Variants in APLP2 observed in about 807,000 individuals in gnomAD.
APLP2 encodes the protein amyloid beta precursor like protein 2, also known as CDEI box-binding protein.
APLP2 carries 53 observed loss-of-function variants against 89.9 expected under a neutral mutation model. That is an observed-to-expected ratio of 0.59 (90% confidence interval 0.47 to 0.74). APLP2 has a LOEUF of 0.74. Among genes scored for constraint, APLP2 ranks in the 30% least tolerant of loss-of-function variants. The pLI is 0.00. For synonymous variants in APLP2, 372 were observed against 348.6 expected (o/e 1.07, Z -0.75); for missense variants, 973 against 975.9 (o/e 1.00, Z 0.04).
chr11:130,119,076 A>C (rs1164091383), intron 3 of APLP2, among the ~76,000 whole-genome samples: 1 of 152,182 alleles, frequency 6.6e-6, no homozygotes, highest in East Asian at 1.9e-4. Context: ...GGATCCTGAG[A>C]GACTCATCCA....
rs553382542 is a variant in APLP2 at position 130,123,190 on chromosome 11, A to G, written c.923-422A>G. Among the ~76,000 whole-genome samples the G allele has an allele frequency of 2.6e-5, 4 of 152,308 alleles. No homozygotes were observed. The South Asian group carries it at 8.3e-4, about 32-fold the overall frequency. On this transcript the variant is annotated intron_variant, in intron 6 of 16. Coordinates refer to ENST00000338167, the MANE Select transcript of APLP2 (RefSeq NM_001142276.2). This position sits in a 1 kb window ranked among gnomAD's most constrained non-coding sequence, Gnocchi z 4.0. ...GCCTTAGAGAACATAAAAGTGGGAA[A>G]CAATTGTCCGTTCTAGGTGCTTGTC...
intron 1 of APLP2, chr11:130,070,743 T>A (rs1940858338): frequency 6.9e-7 from 1 of 1,448,422 alleles, no homozygotes; most frequent in Non-Finnish European, 9.1e-7. Context: ...GGAAACCCGC[T>A]CTGGGTGCGT....
intron 1 of APLP2, among the ~76,000 whole-genome samples, chr11:130,096,508 T>G (rs1946229429): frequency 6.6e-6 from 1 of 152,140 alleles, no homozygotes; most frequent in Non-Finnish European, 1.5e-5. Flanking sequence ...GCATGAGACT[T>G]GGAGTTTGAG....
At chr11:130,073,501 G>C (rs1591750023) in intron 1 of APLP2, among the ~76,000 whole-genome samples, 1 of 152,160 alleles carries the variant, frequency 6.6e-6, no homozygotes, top group African/African-American at 2.4e-5. Flanking sequence ...GAACAATTTT[G>C]AATGTGTTGA....
At chr11:130,081,732 A>G (rs1943183462) in intron 1 of APLP2, among the ~76,000 whole-genome samples, 1 of 152,256 alleles carries the variant, frequency 6.6e-6, no homozygotes, top group South Asian at 2.1e-4. Context: ...TCATGTTTAC[A>G]GAAATATACC....
At chr11:130,070,396 C>T (rs1472127159) in intron 1 of APLP2, among the ~76,000 whole-genome samples, 2 of 151,314 alleles carry the variant, frequency 1.3e-5, no homozygotes, top group African/African-American at 4.8e-5. Flanking sequence ...GACCCAGTGC[C>T]CCCGGGCGCC....
Position 130,141,485 on chromosome 11 carries a change from A to G in APLP2, c.1924-13A>G, listed in dbSNP as rs1952383100. On this transcript the variant is annotated splice_polypyrimidine_tract_variant and intron_variant, in intron 14 of 16. Transcript: ENST00000338167. The surrounding 1 kb of genome is among the most constrained non-coding windows in gnomAD (Gnocchi z 4.2). The stretch of plus-strand genomic sequence containing the variant: ...CCAGTTGCTTGCTGCCGACATTCTC[A>G]TGACTGTTTCAGGTCATTGACGAGA... 1.2e-6 allele frequency: 2 copies of G among 1,612,368 alleles called. No homozygotes were observed. Among genetic ancestry groups the G allele is most frequent in the Non-Finnish European group, 1.7e-6 (2 of 1,178,608 alleles).
intron 1 of APLP2, among the ~76,000 whole-genome samples, chr11:130,096,452 TCATGCCTGTAATCC>T (rs1374843544): frequency 3.3e-5 from 5 of 152,188 alleles, no homozygotes; most frequent in Non-Finnish European, 7.3e-5. Flanking sequence ...GCCCTGTGGC[TCATGCCTGTAATCC>T]CAACACCTTG....
At position 130,109,419 on chromosome 11, in the gene APLP2, C is replaced by A; in HGVS notation, c.106-10C>A. Reference sequence around the variant, plus strand: ...TTGGAGTAAACCTGCAATTTTTTTCCCTTTGGTAGGCTCTTGCAGCCAATG... The same window carrying A: ...TTGGAGTAAACCTGCAATTTTTTTCACTTTGGTAGGCTCTTGCAGCCAATG... On this transcript the variant is annotated splice_polypyrimidine_tract_variant and intron_variant, in intron 1 of 16. Transcript: ENST00000338167. 3 of 1,601,786 alleles carry A rather than the reference C, an allele frequency of 1.9e-6. No individual in the cohort carries two copies. Among genetic ancestry groups the A allele is most frequent in the Non-Finnish European group, 2.6e-6 (3 of 1,174,998 alleles).
intron 2 of APLP2, 30 bp from the exon 3 acceptor site, chr11:130,110,508 T>C (rs1565577953): frequency 6.2e-7 from 1 of 1,610,098 alleles, no homozygotes; most frequent in Middle Eastern, 1.7e-4. Flanking sequence ...GCAGATTGAT[T>C]TATTGTGTGT....
At chr11:130,079,705 T>C (rs1250738809) in intron 1 of APLP2, among the ~76,000 whole-genome samples, 1 of 152,212 alleles carries the variant, frequency 6.6e-6, no homozygotes, top group Non-Finnish European at 1.5e-5. Context: ...GTTCTATTTC[T>C]TTCCATTCAA....
chr11:130,092,499 C>T (rs1408363995), intron 1 of APLP2, among the ~76,000 whole-genome samples: 1 of 140,832 alleles, frequency 7.1e-6, no homozygotes, highest in Non-Finnish European at 1.5e-5. Context: ...GTTGGCGGAT[C>T]ACTCGCGGTT....
chr11:130,091,898 G>A (rs1476572717), intron 1 of APLP2, among the ~76,000 whole-genome samples: 19 of 129,550 alleles, frequency 1.5e-4, no homozygotes, highest in African/African-American at 5.2e-4. Flanking sequence ...GGTGGCTGCC[G>A]GGCGGAGAGG....
At chr11:130,089,173 C>T (rs1944533727) in intron 1 of APLP2, among the ~76,000 whole-genome samples, 1 of 152,214 alleles carries the variant, frequency 6.6e-6, no homozygotes, top group Admixed American at 6.5e-5. Context: ...CCAAGTATTT[C>T]TCATCTGTCA....
At chr11:130,115,333 T>C (rs1311439577) in intron 3 of APLP2, among the ~76,000 whole-genome samples, 1 of 152,204 alleles carries the variant, frequency 6.6e-6, no homozygotes. Flanking sequence ...GATTTACTTA[T>C]ATGCATGGGT....
In APLP2 at chr11:130,123,109, T is replaced by C. The variant is rs145121250; in HGVS notation, c.923-503T>C. Among the ~76,000 whole-genome samples the C allele has an allele frequency of 6.6e-6, 1 of 152,300 alleles. No homozygotes were observed. Among genetic ancestry groups the C allele is most frequent in the African/African-American group, 2.4e-5 (1 of 41,566 alleles). On this transcript the variant is annotated intron_variant, in intron 6 of 16. Transcript: ENST00000338167. This position sits in a 1 kb window ranked among gnomAD's most constrained non-coding sequence, Gnocchi z 4.0. ...TTGAAACCAATTAAGATGCGAAGAA[T>C]TATTTAGGACCCAAGTTGGGGGAAA... is the stretch of plus-strand genomic sequence containing the variant.
Position 130,130,069 on chromosome 11 carries a change from A to G in APLP2, c.1487A>G (p.Tyr496Cys), listed in dbSNP as rs1950774659. The change falls in exon 11 of 17, where the codon TAT becomes TGT. Residue 496 changes from tyrosine (Y) to cysteine (C), a missense_variant. Tyr to Cys is a radical substitution (Grantham distance 194). Transcript: ENST00000338167. ...PHRILQALRR[Y>C]VRAENKDRLH... Reference sequence around the variant, plus strand: ...CGCATTCTCCAGGCCTTACGGCGTTATGTCCGTGCTGAGAACAAAGATCGC... The same window carrying G: ...CGCATTCTCCAGGCCTTACGGCGTTGTGTCCGTGCTGAGAACAAAGATCGC... 1.2e-6 allele frequency: 2 copies of G among 1,614,246 alleles called. No individual in the cohort carries two copies. The highest frequency in any genetic ancestry group is 1.6e-4 in the Middle Eastern group (1 of 6,062).
At chr11:130,071,994 G>T (rs1214477776) in intron 1 of APLP2, among the ~76,000 whole-genome samples, 1 of 152,202 alleles carries the variant, frequency 6.6e-6, no homozygotes, top group East Asian at 1.9e-4. Context: ...CTTTGGGAAG[G>T]CCCTGATTGA....
At chr11:130,142,115 G>T (rs371487512) in intron 16 of APLP2, 41 bp downstream of exon 16, 4 of 1,566,052 alleles carry the variant, frequency 2.6e-6, no homozygotes, top group East Asian at 4.6e-5. Flanking sequence ...TGCACTGTGG[G>T]CTGGGTTGGG....
Sources: gnomAD v4.1 joint callset for allele counts (sites outside exome capture counted in the v4.1 genomes callset) on GRCh38, gnomAD v4.1.1 for gene constraint, Gnocchi (gnomAD v3.1) non-coding constraint, MANE v1.5 for transcripts, NCBI Gene and HGNC (gene_info 2026-07-23, HGNC 2026-07-21) for gene names.